The following OLFM2 variants were observed in gnomAD, a reference collection of about 807,000 sequenced individuals.
The protein encoded by OLFM2 is noelin-2.
In OLFM2, 20 loss-of-function variants were observed where a neutral mutation model predicts 43.9. That is an observed-to-expected ratio of 0.46 (90% CI 0.32 to 0.66). OLFM2 has a LOEUF of 0.66. OLFM2 is among the 30% of genes least tolerant of loss of function. The pLI, the probability that OLFM2 is intolerant of heterozygous loss-of-function variation, is 0.04. For synonymous variants in OLFM2, 268 were observed against 278.6 expected (o/e 0.96, Z 0.38); for missense variants, 416 against 643.6 (o/e 0.65, Z 3.83).
At chr19:9,870,001 T>A (rs1164109055) in intron 1 of OLFM2, among the ~76,000 whole-genome samples, 1 of 152,096 alleles carries the variant, frequency 6.6e-6, no homozygotes, top group Non-Finnish European at 1.5e-5. Context: ...CAAGCAATCC[T>A]CCAGCCTCAG....
chr19:9,910,956 A>G (rs1436275831), intron 1 of OLFM2, among the ~76,000 whole-genome samples: 1 of 152,146 alleles, frequency 6.6e-6, no homozygotes, highest in Non-Finnish European at 1.5e-5. Flanking sequence ...AGGTGGTTGG[A>G]TGAATGAATG....
At chr19:9,876,057 T>C (rs1568372423) in intron 1 of OLFM2, among the ~76,000 whole-genome samples, 1 of 152,138 alleles carries the variant, frequency 6.6e-6, no homozygotes, top group Non-Finnish European at 1.5e-5. Context: ...CCGAGGTCCC[T>C]ACTGCTGGGA....
intron 1 of OLFM2, among the ~76,000 whole-genome samples, chr19:9,894,403 TAATAATAATA>T (rs1194705252): frequency 0.024 from 2,204 of 92,446 alleles, 72 homozygotes; most frequent in African/African-American, 0.075. Flanking sequence ...ATAATAATAA[TAATAATAATA>T]AATAAATAAA....
At chr19:9,915,096 G>C (rs2046864329) in intron 1 of OLFM2, among the ~76,000 whole-genome samples, 1 of 152,182 alleles carries the variant, frequency 6.6e-6, no homozygotes, top group Admixed American at 6.5e-5. Flanking sequence ...CAAAGTGGGT[G>C]GTGGAGACCT....
At chr19:9,910,024 C>T (rs2046815808) in intron 1 of OLFM2, among the ~76,000 whole-genome samples, 1 of 152,074 alleles carries the variant, frequency 6.6e-6, no homozygotes, top group South Asian at 2.1e-4. Context: ...CAGATGTCTT[C>T]AAGGATCTTA....
chr19:9,889,945 A>G (rs1313515817), intron 1 of OLFM2, among the ~76,000 whole-genome samples: 1 of 151,068 alleles, frequency 6.6e-6, no homozygotes, highest in Non-Finnish European at 1.5e-5. Context: ...TATCTGCCTC[A>G]CTGCCAGGCC....
chr19:9,862,398 A>G (rs983285183), intron 1 of OLFM2, among the ~76,000 whole-genome samples: 3 of 152,070 alleles, frequency 2.0e-5, no homozygotes, highest in Admixed American at 6.6e-5. Flanking sequence ...GGACCCAGGA[A>G]TGGTGGCTCA....
At chr19:9,913,531 G>T in intron 1 of OLFM2, 1 of 1,205,906 alleles carries the variant, frequency 8.3e-7, no homozygotes. Flanking sequence ...TGAGCCCCAC[G>T]AGCGAGGGCA....
At chr19:9,863,437 G>C (rs1380494442) in intron 1 of OLFM2, among the ~76,000 whole-genome samples, 1 of 152,102 alleles carries the variant, frequency 6.6e-6, no homozygotes, top group Non-Finnish European at 1.5e-5. Flanking sequence ...GGCCAGGGCA[G>C]GGGTGACTGC....
intron 1 of OLFM2, among the ~76,000 whole-genome samples, chr19:9,873,947 A>C (rs979843652): frequency 6.6e-6 from 1 of 151,500 alleles, no homozygotes; most frequent in African/African-American, 2.4e-5. Context: ...CACCATGCCT[A>C]CCTAATCAAC....
chr19:9,914,381 C>T (rs915662779), intron 1 of OLFM2, among the ~76,000 whole-genome samples: 2 of 152,164 alleles, frequency 1.3e-5, no homozygotes, highest in Non-Finnish European at 2.9e-5. Context: ...GCTTCCTTCC[C>T]GGGCACTGAG....
chr19:9,879,135 CTGTT>C (rs781121510), intron 1 of OLFM2, among the ~76,000 whole-genome samples: 40 of 152,098 alleles, frequency 2.6e-4, no homozygotes, highest in South Asian at 8.3e-4. Context: ...TGAGATCTCG[CTGTT>C]TGTTTGTTTA....
At position 9,860,679 on chromosome 19, in the gene OLFM2, C is replaced by G; in HGVS notation, c.179G>C (p.Gly60Ala). The change falls in exon 2 of 6, where the codon GGC (glycine) becomes GCC (alanine). Residue 60 changes from glycine (G) to alanine (A), a missense_variant. By Grantham distance (60) the Gly-to-Ala change is moderately conservative. Coordinates refer to ENST00000264833, the MANE Select transcript of OLFM2 (RefSeq NM_058164.4). Reference sequence around the variant, plus strand: ...CAGTTGCCGCAGCTCCCGACTCCTGCCATCTCGAGAGCAGGTACTCTGCGC... The same window carrying G: ...CAGTTGCCGCAGCTCCCGACTCCTGGCATCTCGAGAGCAGGTACTCTGCGC... ...IPAQSTCSRD[G>A]RSRELRQLME... The G allele has an allele frequency of 6.3e-7, 1 of 1,597,918 alleles. No individual in the cohort carries two copies. The highest frequency in any genetic ancestry group is 8.5e-7 in the Non-Finnish European group (1 of 1,172,034).
intron 1 of OLFM2, among the ~76,000 whole-genome samples, chr19:9,881,452 T>C (rs563345491): frequency 2.6e-5 from 4 of 152,234 alleles, no homozygotes; most frequent in Admixed American, 2.0e-4. Context: ...TCAGGCTGCC[T>C]TGACTGAGTA....
intron 1 of OLFM2, among the ~76,000 whole-genome samples, chr19:9,875,969 T>A (rs1223240437): frequency 1.3e-5 from 2 of 152,140 alleles, no homozygotes. Context: ...CACTGCTTTT[T>A]ATTTCTCAGC....
chr19:9,854,527 C>T lies in OLFM2; in HGVS notation c.1024G>A (p.Ala342Thr), dbSNP rs767544450. Residue 342 changes from alanine to threonine, a missense_variant, in exon 6 of 6, where the codon GCG becomes ACG. Physicochemically the swap from Ala to Thr is moderately conservative, Grantham distance 58 (BLOSUM62 0). Coordinates refer to ENST00000264833, the MANE Select transcript of OLFM2 (RefSeq NM_058164.4). The surrounding 1 kb of genome is among the most constrained non-coding windows in gnomAD (Gnocchi z 9.5). ...AGCCGGCTGACCACGATGTTGCCCG[C>T]GTTCTGGTTGGTGGTGTACACAGCC... ...LWAVYTTNQN[A>T]GNIVVSRLDP... 6.2e-7 allele frequency: 1 copy of T among 1,613,862 alleles called. No homozygotes were observed. Among genetic ancestry groups the T allele is most frequent in the East Asian group, 2.2e-5 (1 of 44,878 alleles).
At chr19:9,879,145 G>GTTTA (rs976532546) in intron 1 of OLFM2, among the ~76,000 whole-genome samples, 3 of 152,020 alleles carry the variant, frequency 2.0e-5, no homozygotes, top group African/African-American at 7.2e-5. Context: ...CTGTTTGTTT[G>GTTTA]TTTATTTATT....
At chr19:9,915,874 A>G (rs4804474) in intron 1 of OLFM2, among the ~76,000 whole-genome samples, 113,209 of 152,120 alleles carry the variant, frequency 0.74, 42,627 homozygotes, top group African/African-American at 0.86. Flanking sequence ...CTGGATATCT[A>G]GGGGAAGAGA....
intron 1 of OLFM2, among the ~76,000 whole-genome samples, chr19:9,915,642 C>T (rs7250293): frequency 0.069 from 10,549 of 151,898 alleles, 1,096 homozygotes; most frequent in African/African-American, 0.22. Context: ...CTTAGCCTCC[C>T]GAGTAGCTGG....
Sources: allele counts gnomAD v4.1 joint callset (sites outside exome capture counted in the v4.1 genomes callset), GRCh38; gene constraint gnomAD v4.1.1; non-coding constraint Gnocchi (gnomAD v3.1); transcripts MANE v1.5; gene names NCBI Gene and HGNC (gene_info 2026-07-23, HGNC 2026-07-21).